Variants in RAB5C observed in about 807,000 individuals in gnomAD.
RAB5C encodes RAB5C, member RAS oncogene family, also known as ras-related protein Rab-5C.
RAB5C carries 4 observed loss-of-function variants against 25.2 expected under a neutral mutation model. The ratio of observed to expected loss-of-function variants is 0.16; its 90% CI spans 0.08 to 0.36. RAB5C has a LOEUF of 0.36. RAB5C is among the 10% of genes least tolerant of loss of function. The probability of loss-of-function intolerance (pLI) is 1.00; values close to 1 mark genes in which losing one functional copy is unlikely to be tolerated. For missense variants in RAB5C, 199 were observed against 283.8 expected, an observed-to-expected ratio of 0.70 and a Z score of 2.15; for synonymous variants, 100 against 106.4, an observed-to-expected ratio of 0.94 and a Z score of 0.37.
chr17:42,126,910 G>A, intron 4 of RAB5C, 62 bp from the exon 5 acceptor site: 4 of 1,088,308 alleles, frequency 3.7e-6, no homozygotes, highest in Admixed American at 1.8e-5. Context: ...AGGGCCCAGG[G>A]CCCAGGATAC....
At chr17:42,140,499 ATATATATATATATATATTTTTTT>A (rs1475892062) in intron 1 of RAB5C, among the ~76,000 whole-genome samples, 39 of 41,518 alleles carry the variant, frequency 9.4e-4, no homozygotes, top group African/African-American at 8.4e-3. Flanking sequence ...ATATATATAT[ATATATATATATATATATTTTTTT>A]TTTTTTTTTT....
intron 2 of RAB5C, 76 bp downstream of exon 2, chr17:42,130,261 C>T: frequency 1.3e-6 from 2 of 1,525,078 alleles, no homozygotes; most frequent in Non-Finnish European, 1.8e-6. Context: ...AGGCAGGCAG[C>T]TTCCCATCTC....
intron 1 of RAB5C, among the ~76,000 whole-genome samples, chr17:42,143,250 C>T (rs993410053): frequency 1.3e-5 from 2 of 152,234 alleles, no homozygotes; most frequent in African/African-American, 2.4e-5. Context: ...ATCCACATCA[C>T]TCTATGTCAA....
intron 2 of RAB5C, 100 bp from the exon 3 acceptor site, chr17:42,128,900 C>T: frequency 9.0e-7 from 1 of 1,116,598 alleles, no homozygotes; most frequent in South Asian, 3.2e-5. Flanking sequence ...AAGCCCACCA[C>T]TGAGATGGGC....
intron 1 of RAB5C, chr17:42,154,571 A>T (rs577227996): frequency 1.3e-4 from 20 of 152,404 alleles, no homozygotes; most frequent in African/African-American, 4.8e-4. Context: ...GAGAAGAGGG[A>T]CAGGTTCCTT....
rs782672522 is a variant in RAB5C at position 42,125,765 on chromosome 17, C to T, written c.*18G>A. ...ATTCAGGCGGAGGAGGCGGGGGCAGCGGGCAGGCAAGGGGGGCTCAGTTGC... is the reference window on the plus strand; with the variant it reads ...ATTCAGGCGGAGGAGGCGGGGGCAGTGGGCAGGCAAGGGGGGCTCAGTTGC... On this transcript the variant is annotated 3_prime_UTR_variant, in exon 6 of 6. Coordinates refer to ENST00000346213, the MANE Select transcript of RAB5C (RefSeq NM_004583.4). 74 of 1,558,214 alleles carry T rather than the reference C, an allele frequency of 4.7e-5. No homozygotes were observed. Among genetic ancestry groups the T allele is most frequent in the Non-Finnish European group, 5.9e-5 (68 of 1,146,668 alleles).
intron 1 of RAB5C, among the ~76,000 whole-genome samples, chr17:42,145,711 G>A (rs1213691189): frequency 6.6e-6 from 1 of 152,198 alleles, no homozygotes; most frequent in African/African-American, 2.4e-5. Flanking sequence ...AGCCGAGATT[G>A]CACCACTGCA....
At chr17:42,132,765 C>T (rs7208907) in intron 1 of RAB5C, among the ~76,000 whole-genome samples, 53,896 of 151,794 alleles carry the variant, frequency 0.36, 12,897 homozygotes, top group African/African-American at 0.69. Context: ...AACTCCTGGC[C>T]TCAAGCAACC....
intron 1 of RAB5C, among the ~76,000 whole-genome samples, chr17:42,134,026 C>G (rs888427309): frequency 6.6e-6 from 1 of 152,146 alleles, no homozygotes; most frequent in Non-Finnish European, 1.5e-5. Context: ...TTGCCTGGCC[C>G]TGCTTGGTGA....
chr17:42,137,455 A>G (rs1179939301), intron 1 of RAB5C, among the ~76,000 whole-genome samples: 1 of 152,240 alleles, frequency 6.6e-6, no homozygotes, highest in Non-Finnish European at 1.5e-5. Context: ...ACATGTCAAT[A>G]AAAAGGTTAA....
chr17:42,145,038 G>A (rs1362318065), intron 1 of RAB5C, among the ~76,000 whole-genome samples: 9 of 136,150 alleles, frequency 6.6e-5, no homozygotes, highest in Admixed American at 2.4e-4. Flanking sequence ...GGTGGCGCGC[G>A]CCTATAGGCC....
At chr17:42,127,681 C>T (rs1215126565) in intron 4 of RAB5C, among the ~76,000 whole-genome samples, 1 of 151,532 alleles carries the variant, frequency 6.6e-6, no homozygotes, top group East Asian at 1.9e-4. Flanking sequence ...AGTAGCACAC[C>T]ACCATGCCCA....
rs201267296 is a variant in RAB5C, at chr17:42,125,767, G to A, written c.*16C>T. 32 of 1,568,542 alleles carry A rather than the reference G, an allele frequency of 2.0e-5. No homozygotes were observed. In the African/African-American group the frequency reaches 2.8e-4, roughly 14 times the overall value. ...TCAGGCGGAGGAGGCGGGGGCAGCG[G>A]GCAGGCAAGGGGGGCTCAGTTGCTG... is the stretch of plus-strand genomic sequence containing the variant. On this transcript the variant is annotated 3_prime_UTR_variant, in exon 6 of 6. Coordinates refer to ENST00000346213, the MANE Select transcript of RAB5C (RefSeq NM_004583.4).
At chr17:42,140,583 G>T (rs564688763) in intron 1 of RAB5C, among the ~76,000 whole-genome samples, 1 of 139,294 alleles carries the variant, frequency 7.2e-6, no homozygotes, top group African/African-American at 2.6e-5. Context: ...GAGTGCAGTG[G>T]CACAATCTGG....
chr17:42,131,055 G>A (rs544775678), intron 1 of RAB5C, among the ~76,000 whole-genome samples: 1 of 152,296 alleles, frequency 6.6e-6, no homozygotes. Flanking sequence ...CCACAGTGGT[G>A]AGGCAGACAG....
At chr17:42,131,673 G>A in intron 1 of RAB5C, 3 of 1,474,636 alleles carry the variant, frequency 2.0e-6, no homozygotes. Context: ...AGGTGTGGGA[G>A]GGCAGAGACC....
intron 1 of RAB5C, among the ~76,000 whole-genome samples, chr17:42,148,960 A>G (rs2079653693): frequency 6.6e-6 from 1 of 152,236 alleles, no homozygotes; most frequent in Non-Finnish European, 1.5e-5. Flanking sequence ...AGGGCTCACA[A>G]GAGTGCCTGG....
intron 1 of RAB5C, among the ~76,000 whole-genome samples, chr17:42,151,961 A>G (rs2079674669): frequency 1.3e-5 from 2 of 152,096 alleles, no homozygotes; most frequent in African/African-American, 4.8e-5. Flanking sequence ...CATTTAACGA[A>G]CAAACCAGGC....
chr17:42,143,687 A>G (rs531067943), intron 1 of RAB5C, among the ~76,000 whole-genome samples: 28 of 152,302 alleles, frequency 1.8e-4, no homozygotes, highest in African/African-American at 6.7e-4. Flanking sequence ...CCAAAAACAA[A>G]AATCCTCACA....
Sources: allele counts gnomAD v4.1 joint callset (sites outside exome capture counted in the v4.1 genomes callset), GRCh38; gene constraint gnomAD v4.1.1; transcripts MANE v1.5; gene names NCBI Gene and HGNC (gene_info 2026-07-23, HGNC 2026-07-21).